The following PRMT3 variants were observed in gnomAD, a reference collection of about 807,000 sequenced individuals.
PRMT3 encodes the protein protein arginine methyltransferase 3.
Under a neutral mutation model 71.9 loss-of-function variants are expected in PRMT3, and 62 were observed. The ratio of observed to expected loss-of-function variants is 0.86; its 90% CI spans 0.70 to 1.07. The LOEUF (loss-of-function observed/expected upper bound fraction) is 1.07. PRMT3 is among the 50% of genes least tolerant of loss of function. The pLI is 0.00. For missense variants in PRMT3, 663 were observed against 643.0 expected (o/e 1.03, Z -0.34); for synonymous variants, 213 against 220.4 (o/e 0.97, Z 0.30).
At chr11:20,432,058 T>C (rs1240500869) in intron 10 of PRMT3, among the ~76,000 whole-genome samples, 2 of 152,030 alleles carry the variant, frequency 1.3e-5, no homozygotes, top group Non-Finnish European at 2.9e-5. Context: ...TGTATAATTA[T>C]TTTGGTCTTA....
At chr11:20,440,110 C>G (rs1013948623) in intron 10 of PRMT3, among the ~76,000 whole-genome samples, 2 of 152,100 alleles carry the variant, frequency 1.3e-5, no homozygotes, top group African/African-American at 2.4e-5. Context: ...GAGTAAAGTT[C>G]TAAATGGAAA....
At chr11:20,456,345 T>C (rs1850267402) in intron 11 of PRMT3, among the ~76,000 whole-genome samples, 1 of 152,228 alleles carries the variant, frequency 6.6e-6, no homozygotes, top group South Asian at 2.1e-4. Flanking sequence ...TTTTCCTTTG[T>C]TTCTTGGAGT....
In PRMT3 at chr11:20,426,863, A is replaced by G; in HGVS notation, c.991A>G (p.Met331Val). ...EKVDVIISEW[M>V]GYFLLFESML... The stretch of plus-strand genomic sequence containing the variant: ...AGTAGATGTTATCATATCTGAGTGG[A>G]TGGTGAGTGTTTATAGAAAAAACTA... Residue 331 changes from methionine (M) to valine (V), a missense_variant and splice_region_variant, in exon 10 of 16, where the codon ATG becomes GTG. Met to Val is a conservative substitution (Grantham distance 21, BLOSUM62 1). Transcript: ENST00000331079. 6 of 1,528,568 alleles carry G rather than the reference A, an allele frequency of 3.9e-6. No homozygotes were observed. The highest frequency in any genetic ancestry group is 5.2e-6 in the Non-Finnish European group (6 of 1,150,514). 94.7% of individuals were successfully genotyped at this position (1,528,568 alleles called of 1,614,324 possible).
At chr11:20,419,403 C>CT (rs1440468134) in intron 9 of PRMT3, among the ~76,000 whole-genome samples, 3 of 152,266 alleles carry the variant, frequency 2.0e-5, no homozygotes, top group Admixed American at 2.0e-4. Flanking sequence ...TGGACTTGAA[C>CT]TGTTGATAGG....
In PRMT3 at chr11:20,392,902, T is replaced by A; in HGVS notation, c.303T>A (p.Pro101=). ...GAGATTAATTTTATATCCAGAATCC[T>A]ACAGTTGAGTACATGAATTCCATAT... The part of the protein sequence containing the change: ...KLINFIRLKN[P]TVEYMNSIYN... Residue 101 remains proline (P), a synonymous_variant, in exon 5 of 16, where the codon CCT becomes CCA. Coordinates refer to ENST00000331079, the MANE Select transcript of PRMT3 (RefSeq NM_005788.4). 1 of 1,574,060 alleles carries A rather than the reference T, an allele frequency of 6.4e-7. No individual in the cohort carries two copies. The highest frequency in any genetic ancestry group is 1.4e-5 in the African/African-American group (1 of 74,030).
chr11:20,440,342 G>T (rs116191898), intron 10 of PRMT3, among the ~76,000 whole-genome samples: 1 of 152,048 alleles, frequency 6.6e-6, no homozygotes, highest in African/African-American at 2.4e-5. Context: ...GCAACAGAGC[G>T]AGATGCTGAC....
At chr11:20,442,584 T>A (rs1203341185) in intron 10 of PRMT3, among the ~76,000 whole-genome samples, 1 of 152,208 alleles carries the variant, frequency 6.6e-6, no homozygotes, top group East Asian at 1.9e-4. Context: ...TAAAATTCTT[T>A]CTCAGAAATC....
At chr11:20,390,920 T>C (rs1009901275) in intron 3 of PRMT3, among the ~76,000 whole-genome samples, 13 of 152,068 alleles carry the variant, frequency 8.5e-5, no homozygotes, top group African/African-American at 3.1e-4. Context: ...CATGGTGGCA[T>C]GTGCCTGTAG....
chr11:20,411,445 T>C (rs1374908072), intron 9 of PRMT3, among the ~76,000 whole-genome samples: 1 of 152,104 alleles, frequency 6.6e-6, no homozygotes, highest in East Asian at 1.9e-4. Context: ...TCTCTCAATC[T>C]TGTAAAGTGT....
intron 13 of PRMT3, among the ~76,000 whole-genome samples, chr11:20,488,504 A>G (rs1590105081): frequency 6.6e-6 from 1 of 152,272 alleles, no homozygotes; most frequent in East Asian, 1.9e-4. Flanking sequence ...GATTACAAGC[A>G]CTCTATCTCC....
chr11:20,474,145 G>A (rs1850720908), intron 13 of PRMT3, among the ~76,000 whole-genome samples: 1 of 152,204 alleles, frequency 6.6e-6, no homozygotes, highest in South Asian at 2.1e-4. Flanking sequence ...TTTGGGAGGT[G>A]TCACCCAGGT....
In PRMT3 at chr11:20,432,657, G is replaced by A. The variant is rs1384865512; in HGVS notation, c.993+5792G>A. Reference sequence around the variant, plus strand: ...CTCTATACTCTTTTTCATAATGGCTGTACTAATTTATATTCTTACCAACAG... The same window carrying A: ...CTCTATACTCTTTTTCATAATGGCTATACTAATTTATATTCTTACCAACAG... On this transcript the variant is annotated intron_variant, in intron 10 of 15. Coordinates refer to ENST00000331079, the MANE Select transcript of PRMT3 (RefSeq NM_005788.4). Among the ~76,000 whole-genome samples, 3 of 152,180 alleles carry A rather than the reference G, an allele frequency of 2.0e-5. No homozygotes were observed. In the East Asian group the frequency reaches 5.8e-4, roughly 29 times the overall value.
At chr11:20,469,919 T>C (rs1850602635) in intron 13 of PRMT3, among the ~76,000 whole-genome samples, 1 of 152,170 alleles carries the variant, frequency 6.6e-6, no homozygotes, top group African/African-American at 2.4e-5. Flanking sequence ...TTTCTTTTAC[T>C]ACAGTTGTTA....
At chr11:20,441,398 C>T (rs531082439) in intron 10 of PRMT3, among the ~76,000 whole-genome samples, 13 of 151,736 alleles carry the variant, frequency 8.6e-5, no homozygotes, top group East Asian at 1.9e-4. Flanking sequence ...CTCCGCCTCC[C>T]GGGTTCACGC....
At chr11:20,463,105 C>T (rs1477445999) in intron 12 of PRMT3, among the ~76,000 whole-genome samples, 2 of 152,196 alleles carry the variant, frequency 1.3e-5, no homozygotes, top group Non-Finnish European at 2.9e-5. Flanking sequence ...ACCTCATGAT[C>T]CGCCTGCCTC....
At chr11:20,452,862 G>A (rs995763824) in intron 11 of PRMT3, among the ~76,000 whole-genome samples, 5 of 152,184 alleles carry the variant, frequency 3.3e-5, no homozygotes, top group African/African-American at 4.8e-5. Context: ...GACAGGGATT[G>A]TGTTTGTTTA....
At chr11:20,459,177 A>G (rs891390174) in intron 11 of PRMT3, among the ~76,000 whole-genome samples, 10 of 152,190 alleles carry the variant, frequency 6.6e-5, no homozygotes, top group Non-Finnish European at 1.0e-4. Flanking sequence ...GGATTTGACT[A>G]TGGGCCATAG....
At chr11:20,493,488 T>C (rs978447859) in intron 13 of PRMT3, among the ~76,000 whole-genome samples, 8 of 152,204 alleles carry the variant, frequency 5.3e-5, no homozygotes, top group African/African-American at 1.9e-4. Flanking sequence ...AGTAGTGCAC[T>C]TGCTGGTCCT....
chr11:20,462,227 T>C, intron 12 of PRMT3, 60 bp downstream of exon 12: 1 of 1,332,316 alleles, frequency 7.5e-7, no homozygotes, highest in South Asian at 1.5e-5. Flanking sequence ...TAGTTCAGCA[T>C]TTGAAAATAA....
Sources: gnomAD v4.1 joint callset for allele counts (sites outside exome capture counted in the v4.1 genomes callset) on GRCh38, gnomAD v4.1.1 for gene constraint, MANE v1.5 for transcripts, NCBI Gene and HGNC (gene_info 2026-07-23, HGNC 2026-07-21) for gene names.